The following SOX6 variants were observed in gnomAD, a reference collection of about 807,000 sequenced individuals.
SOX6 encodes the protein transcription factor SOX-6.
A neutral mutation model predicts 97.8 loss-of-function variants in SOX6; 11 were observed. The observed-to-expected ratio is 0.11, with a 90% CI of 0.07 to 0.19. The LOEUF (loss-of-function observed/expected upper bound fraction) is 0.19, where lower values mean the gene tolerates loss of function less well. Ranked by LOEUF, SOX6 falls within the 10% of genes least tolerant of loss-of-function variation. SOX6 has a pLI of 1.00. For synonymous variants in SOX6, 360 were observed against 371.4 expected, an observed-to-expected ratio of 0.97 and a Z score of 0.35; for missense variants, 810 against 1,039.5, an observed-to-expected ratio of 0.78 and a Z score of 3.04.
At chr11:16,374,854 A>G (rs1466789875) in intron 1 of SOX6, among the ~76,000 whole-genome samples, 1 of 152,012 alleles carries the variant, frequency 6.6e-6, no homozygotes, top group Non-Finnish European at 1.5e-5. Flanking sequence ...TATTCCTTTC[A>G]TATTCACATT....
chr11:16,421,106 C>T (rs1318413673), intron 1 of SOX6, among the ~76,000 whole-genome samples: 1 of 152,130 alleles, frequency 6.6e-6, no homozygotes, highest in Non-Finnish European at 1.5e-5. Flanking sequence ...CAGAACTCAA[C>T]CTGGAGTCTA....
chr11:16,501,273 C>T (rs1223526280), intron 4 of SOX6, among the ~76,000 whole-genome samples: 1 of 152,156 alleles, frequency 6.6e-6, no homozygotes, highest in Non-Finnish European at 1.5e-5. Context: ...AAAGCTTAAA[C>T]TGGATCCCTT....
intron 1 of SOX6, among the ~76,000 whole-genome samples, chr11:16,378,451 T>A (rs1334963743): frequency 6.6e-6 from 1 of 152,082 alleles, no homozygotes; most frequent in Non-Finnish European, 1.5e-5. Flanking sequence ...AAAATATGAA[T>A]AATTAAAATT....
intron 4 of SOX6, among the ~76,000 whole-genome samples, chr11:16,530,081 A>AT (rs1236630744): frequency 6.6e-6 from 1 of 152,054 alleles, no homozygotes; most frequent in African/African-American, 2.4e-5. Context: ...AGAAAAAAAA[A>AT]CACAGCTTTG....
chr11:16,057,126 A>C (rs1186937332), intron 9 of SOX6, among the ~76,000 whole-genome samples: 1 of 152,104 alleles, frequency 6.6e-6, no homozygotes, highest in Non-Finnish European at 1.5e-5. Flanking sequence ...ACTTGTATTT[A>C]TATCCTTATT....
chr11:16,486,403 CT>C (rs533245286), intron 4 of SOX6, among the ~76,000 whole-genome samples: 87 of 151,926 alleles, frequency 5.7e-4, no homozygotes, highest in African/African-American at 1.9e-3. Context: ...TTTTTAAGAT[CT>C]TTTTTTTCTT....
At chr11:16,611,327 C>A (rs1483659559) in intron 4 of SOX6, among the ~76,000 whole-genome samples, 1 of 152,188 alleles carries the variant, frequency 6.6e-6, no homozygotes, top group African/African-American at 2.4e-5. Context: ...ACCATCCGGG[C>A]GGACAATTCA....
chr11:16,152,334 C>A (rs1564985807), intron 6 of SOX6, among the ~76,000 whole-genome samples: 1 of 152,154 alleles, frequency 6.6e-6, no homozygotes, highest in South Asian at 2.1e-4. Context: ...TTTGACCCCA[C>A]CCACAGACAG....
chr11:16,107,400 TATATGTATATATATATAC>T (rs1366751250), intron 7 of SOX6, among the ~76,000 whole-genome samples: 1 of 147,158 alleles, frequency 6.8e-6, no homozygotes, highest in Non-Finnish European at 1.5e-5. Flanking sequence ...TATATGTATA[TATATGTATATATATATAC>T]ATATATATAC....
chr11:16,067,732 G>C (rs370489329), intron 9 of SOX6, among the ~76,000 whole-genome samples: 1 of 152,204 alleles, frequency 6.6e-6, no homozygotes, highest in South Asian at 2.1e-4. Flanking sequence ...ATTATATGAT[G>C]TGATTATTAT....
intron 6 of SOX6, among the ~76,000 whole-genome samples, chr11:16,178,087 C>T (rs995338908): frequency 1.3e-5 from 2 of 151,904 alleles, no homozygotes; most frequent in African/African-American, 4.8e-5. Flanking sequence ...TGCCATAAGG[C>T]CACACTCGGA....
intron 9 of SOX6, among the ~76,000 whole-genome samples, chr11:16,084,441 A>G (rs7105445): frequency 0.026 from 3,940 of 152,058 alleles, 170 homozygotes; most frequent in African/African-American, 0.09. Flanking sequence ...CAAGCAGAAG[A>G]GTATGGACAA....
chr11:16,431,943 G>A (rs1859279481), intron 1 of SOX6, among the ~76,000 whole-genome samples: 1 of 151,992 alleles, frequency 6.6e-6, no homozygotes, highest in African/African-American at 2.4e-5. Flanking sequence ...TAAGATGTGA[G>A]ATCATAAAAA....
At chr11:16,186,217 T>C (rs1307422921) in intron 5 of SOX6, among the ~76,000 whole-genome samples, 1 of 152,186 alleles carries the variant, frequency 6.6e-6, no homozygotes, top group Non-Finnish European at 1.5e-5. Flanking sequence ...CTATAAATAG[T>C]GACCATGTGA....
At chr11:16,006,161 A>G (rs1854549425) in intron 13 of SOX6, among the ~76,000 whole-genome samples, 1 of 152,030 alleles carries the variant, frequency 6.6e-6, no homozygotes, top group Non-Finnish European at 1.5e-5. Flanking sequence ...TATAACATGG[A>G]AAGATATCCA....
intron 1 of SOX6, among the ~76,000 whole-genome samples, chr11:16,373,652 A>G (rs371631505): frequency 3.0e-4 from 46 of 152,142 alleles, no homozygotes; most frequent in African/African-American, 1.1e-3. Context: ...TTTATTGCAA[A>G]AGTTTGTAGG....
At chr11:16,133,295 A>G (rs574450570) in intron 6 of SOX6, among the ~76,000 whole-genome samples, 1 of 152,288 alleles carries the variant, frequency 6.6e-6, no homozygotes, top group African/African-American at 2.4e-5. Context: ...TTATGCCCTG[A>G]AGGAAAGGGT....
chr11:16,173,699 G>T (rs1851103014), intron 6 of SOX6, among the ~76,000 whole-genome samples: 1 of 149,990 alleles, frequency 6.7e-6, no homozygotes. Flanking sequence ...TACTAGAAAA[G>T]AAGTTTTAAA....
At chr11:16,653,185 C>T (rs1469170887) in intron 3 of SOX6, among the ~76,000 whole-genome samples, 1 of 152,110 alleles carries the variant, frequency 6.6e-6, no homozygotes, top group Non-Finnish European at 1.5e-5. Context: ...TAAACTAGTA[C>T]AACCACTATG....
Sources: allele counts gnomAD v4.1 joint callset (sites outside exome capture counted in the v4.1 genomes callset), GRCh38; gene constraint gnomAD v4.1.1; transcripts MANE v1.5; gene names NCBI Gene and HGNC (gene_info 2026-07-23, HGNC 2026-07-21).